IPO8: variants seen among roughly 807,000 people sequenced by gnomAD.
IPO8 encodes importin 8.
A neutral mutation model predicts 141.2 loss-of-function variants in IPO8; 65 were observed. The observed-to-expected ratio is 0.46, with a 90% CI of 0.38 to 0.57. The LOEUF (loss-of-function observed/expected upper bound fraction) is 0.57. Ranked by LOEUF, IPO8 falls within the 20% of genes least tolerant of loss-of-function variation. The probability of loss-of-function intolerance (pLI) is 0.00; values close to 1 mark genes in which losing one functional copy is unlikely to be tolerated. For missense variants in IPO8, 980 were observed against 1,246.8 expected (o/e 0.79, Z 3.22); for synonymous variants, 411 against 420.3 (o/e 0.98, Z 0.27).
chr12:30,649,370 C>G, intron 19 of IPO8, 138 bp from the exon 20 acceptor site: 1 of 517,186 alleles, frequency 1.9e-6, no homozygotes, highest in Non-Finnish European at 3.4e-6. Flanking sequence ...CTCACCAACC[C>G]AAAGAAGAAT....
intron 10 of IPO8, among the ~76,000 whole-genome samples, chr12:30,668,793 G>GCAAGCAAAC (rs1252843509): frequency 6.6e-6 from 1 of 152,180 alleles, no homozygotes; most frequent in Non-Finnish European, 1.5e-5. Flanking sequence ...TCTCAGACAA[G>GCAAGCAAAC]CAAGCAAACC....
intron 1 of IPO8, among the ~76,000 whole-genome samples, chr12:30,692,426 T>C (rs1189871938): frequency 6.6e-6 from 1 of 152,212 alleles, no homozygotes; most frequent in Non-Finnish European, 1.5e-5. Flanking sequence ...TTCAGAGATA[T>C]AGTCAGATAT....
intron 6 of IPO8, 102 bp downstream of exon 6, chr12:30,676,396 G>A (rs2053120492): frequency 5.9e-6 from 3 of 506,056 alleles, no homozygotes; most frequent in Non-Finnish European, 1.1e-5. Flanking sequence ...TTTTATTAAA[G>A]TAGTAAATTT....
chr12:30,674,162 A>G, intron 7 of IPO8, 88 bp from the exon 8 acceptor site: 1 of 783,510 alleles, frequency 1.3e-6, no homozygotes. Flanking sequence ...GCTTATTCAA[A>G]GATGGATTCT....
At chr12:30,675,248 G>A (rs1440956991) in intron 6 of IPO8, among the ~76,000 whole-genome samples, 1 of 152,174 alleles carries the variant, frequency 6.6e-6, no homozygotes, top group Non-Finnish European at 1.5e-5. Context: ...ATTAAAGATA[G>A]TATTATTGCA....
At chr12:30,656,499 ATTT>A (rs1244810739) in intron 17 of IPO8, among the ~76,000 whole-genome samples, 182 bp downstream of exon 17, 4 of 152,188 alleles carry the variant, frequency 2.6e-5, no homozygotes, top group African/African-American at 7.2e-5. Flanking sequence ...TGGATGTATA[ATTT>A]TTTATCTCTG....
At chr12:30,670,292 A>G (rs918193987) in intron 9 of IPO8, among the ~76,000 whole-genome samples, 2 of 152,214 alleles carry the variant, frequency 1.3e-5, no homozygotes, top group Non-Finnish European at 2.9e-5. Context: ...TTCTTTTCAG[A>G]TATCATTTAT....
chr12:30,667,805 T>G (rs1256506257), intron 10 of IPO8, among the ~76,000 whole-genome samples: 1 of 152,164 alleles, frequency 6.6e-6, no homozygotes, highest in African/African-American at 2.4e-5. Context: ...GAAGAATATA[T>G]AAATAATGGT....
chr12:30,663,412 A>C, intron 14 of IPO8, 77 bp downstream of exon 14: 1 of 1,245,970 alleles, frequency 8.0e-7, no homozygotes, highest in South Asian at 1.5e-5. Context: ...ACCCTCAGAC[A>C]TGGAGATGCA....
chr12:30,666,851 T>TTTC (rs2052973334), intron 10 of IPO8, among the ~76,000 whole-genome samples: 1 of 152,062 alleles, frequency 6.6e-6, no homozygotes, highest in African/African-American at 2.4e-5. Context: ...ATGGATAAAG[T>TTTC]ACTCCAAGCA....
At chr12:30,683,127 C>T (rs1383578985) in intron 3 of IPO8, among the ~76,000 whole-genome samples, 1 of 152,170 alleles carries the variant, frequency 6.6e-6, no homozygotes, top group Non-Finnish European at 1.5e-5. Flanking sequence ...ATCCTTCATG[C>T]ATTACTGTGT....
At position 30,665,799 on chromosome 12, in the gene IPO8, G is replaced by A. The variant is rs765644332; in HGVS notation, c.1268C>T (p.Pro423Leu). The A allele has an allele frequency of 5.6e-6, 9 of 1,613,638 alleles. No individual in the cohort carries two copies. Among genetic ancestry groups the A allele is most frequent in the Middle Eastern group, 1.7e-4 (1 of 6,058 alleles). Residue 423 changes from proline (P) to leucine (L), a missense_variant, in exon 12 of 25, where the codon CCG (proline) becomes CTG (leucine). This residue lies in a region of IPO8 where 924 missense variants were observed against 1,153.9 expected (regional missense o/e 0.80). Transcript: ENST00000256079. ...MAFCYQILTD[P>L]NFDPRKKDGA... ...ATCTTTCTTCCTAGGGTCAAAGTTC[G>A]GGTCTGTCAGGATTTGATAACAGAA...
At position 30,695,807 on chromosome 12, in the gene IPO8, G is replaced by A; in HGVS notation, c.-160C>T. The A allele has an allele frequency of 1.7e-6, 1 of 578,116 alleles. No individual in the cohort carries two copies. The highest frequency in any genetic ancestry group is 2.1e-5 in the South Asian group (1 of 48,372). The allele number at this position is 578,116 out of a possible 1,614,324, so 35.8% of individuals were successfully genotyped here. On this transcript the variant is annotated 5_prime_UTR_variant, in exon 1 of 25. Transcript: ENST00000256079. This position sits in a 1 kb window ranked among gnomAD's most constrained non-coding sequence, Gnocchi z 4.2. ...CTGCGGCCACTTGCTGCGCCACTCT[G>A]ACTCCGCGCCCCCTGTCCTCCCTTT...
rs944217300 is a variant in IPO8 at position 30,629,555 on chromosome 12, A to G, written c.*1305T>C. The G allele has an allele frequency of 2.0e-5, 3 of 152,208 alleles. No individual in the cohort carries two copies. Among genetic ancestry groups the G allele is most frequent in the East Asian group, 1.9e-4 (1 of 5,200 alleles). 9.4% of individuals were successfully genotyped at this position (152,208 alleles called of 1,614,324 possible). A position where few individuals can be genotyped will look rare whatever the true frequency, so the allele number is the denominator to read the frequency against. The stretch of plus-strand genomic sequence containing the variant: ...AGCTGTGAATTTTTGTGAATTTTCA[A>G]TTCCACAGAAAGCAAAATCTGTATC... On this transcript the variant is annotated 3_prime_UTR_variant, in exon 25 of 25. Transcript: ENST00000256079.
At chr12:30,645,498 C>CA (rs2052633157) in intron 20 of IPO8, among the ~76,000 whole-genome samples, 1 of 150,824 alleles carries the variant, frequency 6.6e-6, no homozygotes, top group Non-Finnish European at 1.5e-5. Flanking sequence ...AACAACTAAA[C>CA]AAAAAGCAAG....
In IPO8 at chr12:30,689,181, G is replaced by T. The variant is rs146667163; in HGVS notation, c.166+1315C>A. On this transcript the variant is annotated intron_variant, in intron 2 of 24. Coordinates refer to ENST00000256079, the MANE Select transcript of IPO8 (RefSeq NM_006390.4). Reference sequence around the variant, plus strand: ...TCAAAGCTGATGGCAGTCATCTTTGGGTGTATTAAGAACAATGTAAGTTAT... The same window carrying T: ...TCAAAGCTGATGGCAGTCATCTTTGTGTGTATTAAGAACAATGTAAGTTAT... Among the ~76,000 whole-genome samples, 378 of 152,014 alleles carry T rather than the reference G, an allele frequency of 2.5e-3. 4 individuals carry two copies. The highest frequency in any genetic ancestry group is 8.9e-3 in the African/African-American group (368 of 41,526).
intron 19 of IPO8, among the ~76,000 whole-genome samples, chr12:30,649,541 C>T (rs1228101939): frequency 1.3e-5 from 2 of 152,092 alleles, no homozygotes; most frequent in Non-Finnish European, 2.9e-5. Flanking sequence ...AAAACCAAAA[C>T]AAAATAATCT....
chr12:30,652,961 C>T lies in IPO8; in HGVS notation c.2074+6G>A. The T allele has an allele frequency of 6.3e-7, 1 of 1,598,236 alleles. No individual in the cohort carries two copies. The highest frequency in any genetic ancestry group is 8.5e-7 in the Non-Finnish European group (1 of 1,174,946). The stretch of plus-strand genomic sequence containing the variant: ...AAGCAAAAATTTTATATGGTCAAAG[C>T]CATACCTGTAAAGTATTCAAAGCAA... On this transcript the variant is annotated splice_donor_region_variant and intron_variant, in intron 18 of 24. Coordinates refer to ENST00000256079, the MANE Select transcript of IPO8 (RefSeq NM_006390.4).
Position 30,630,348 on chromosome 12 carries a change from C to G in IPO8, c.*512G>C, listed in dbSNP as rs1160687346. ...AAGATTTTGAAACCAGAGTGACTTG[C>G]AGTAACTGCCTAACAATAAATTCAC... On this transcript the variant is annotated 3_prime_UTR_variant, in exon 25 of 25. Transcript: ENST00000256079. The G allele has an allele frequency of 6.6e-6, 1 of 152,208 alleles. No individual in the cohort carries two copies. The highest frequency in any genetic ancestry group is 2.4e-5 in the African/African-American group (1 of 41,432). 9.4% of individuals were successfully genotyped at this position (152,208 alleles called of 1,614,324 possible).
Sources: allele counts gnomAD v4.1 joint callset (sites outside exome capture counted in the v4.1 genomes callset), GRCh38; gene constraint gnomAD v4.1.1; regional missense constraint gnomAD v4.1.1; non-coding constraint Gnocchi (gnomAD v3.1); transcripts MANE v1.5; gene names NCBI Gene and HGNC (gene_info 2026-07-23, HGNC 2026-07-21).